Variants in CDK5RAP2 observed in about 807,000 individuals in gnomAD.
CDK5RAP2 encodes CDK5 regulatory subunit-associated protein 2.
In CDK5RAP2, 147 loss-of-function variants were observed where a neutral mutation model predicts 232.9. That is an observed-to-expected ratio of 0.63 (90% CI 0.55 to 0.72). The LOEUF is 0.72. CDK5RAP2 is among the 30% of genes least tolerant of loss of function. CDK5RAP2 has a pLI of 0.00. For missense variants in CDK5RAP2, 2,195 were observed against 2,231.5 expected (o/e 0.98, Z 0.33); for synonymous variants, 833 against 833.7 (o/e 1.00, Z 0.01).
chr9:120,401,610 C>CAAAAAAAAAA (rs142588120), intron 34 of CDK5RAP2, among the ~76,000 whole-genome samples: 1 of 61,532 alleles, frequency 1.6e-5, no homozygotes, highest in African/African-American at 5.9e-5. Flanking sequence ...GACCCTGTCT[C>CAAAAAAAAAA]AAAAAAAAAA....
At chr9:120,570,034 G>T (rs1234817800) in intron 2 of CDK5RAP2, among the ~76,000 whole-genome samples, 1 of 152,182 alleles carries the variant, frequency 6.6e-6, no homozygotes, top group Admixed American at 6.5e-5. Context: ...AAAAAGGGTG[G>T]TGAGCTTTGA....
chr9:120,479,156 T>C (rs2038175955), intron 14 of CDK5RAP2, among the ~76,000 whole-genome samples: 2 of 152,100 alleles, frequency 1.3e-5, no homozygotes, highest in African/African-American at 2.4e-5. Flanking sequence ...TAACTGATAG[T>C]AACAGATTAT....
rs375395601 is a variant in CDK5RAP2 at position 120,498,601 on chromosome 9, T to A, written c.1312-7124A>T. On this transcript the variant is annotated intron_variant, in intron 12 of 37. Coordinates refer to ENST00000349780, the MANE Select transcript of CDK5RAP2 (RefSeq NM_018249.6). The stretch of plus-strand genomic sequence containing the variant: ...TGCATCAATGTTAATTTCCTGATAC[T>A]GGTAAGTATGCCACAGTAATGCAAA... Among the ~76,000 whole-genome samples the A allele has an allele frequency of 2.0e-5, 3 of 152,292 alleles. No individual in the cohort carries two copies. The East Asian group carries it at 5.8e-4, about 29-fold the overall frequency.
intron 25 of CDK5RAP2, among the ~76,000 whole-genome samples, chr9:120,428,355 G>A (rs1450375726): frequency 6.6e-6 from 1 of 152,036 alleles, no homozygotes; most frequent in Non-Finnish European, 1.5e-5. Flanking sequence ...TTGATAGACC[G>A]CTAGCAAGAC....
chr9:120,566,338 G>T (rs1051160414), intron 3 of CDK5RAP2, among the ~76,000 whole-genome samples: 1 of 152,138 alleles, frequency 6.6e-6, no homozygotes, highest in Non-Finnish European at 1.5e-5. Context: ...TCTTGAAAAT[G>T]CTACAATAAA....
rs560506900 is a variant in CDK5RAP2, at chr9:120,454,830, G to A, written c.2376-957C>T. Among the ~76,000 whole-genome samples, 3 of 152,264 alleles carry A rather than the reference G, an allele frequency of 2.0e-5. No homozygotes were observed. In the East Asian group the frequency reaches 5.8e-4, roughly 29 times the overall value. On this transcript the variant is annotated intron_variant, in intron 20 of 37. Transcript: ENST00000349780. ...CACAGTATATACAGTCCCTCAGAGG[G>A]TCCCCAGCAGTAACCAGATCATTAT...
chr9:120,550,701 C>A, intron 4 of CDK5RAP2, 91 bp downstream of exon 4: 2 of 823,876 alleles, frequency 2.4e-6, no homozygotes, highest in South Asian at 2.7e-5. Flanking sequence ...TCTATTCATA[C>A]TAACTCTAAG....
At chr9:120,445,328 G>A (rs1033447596) in intron 22 of CDK5RAP2, among the ~76,000 whole-genome samples, 2 of 152,028 alleles carry the variant, frequency 1.3e-5, no homozygotes, top group Admixed American at 6.6e-5. Context: ...TACCACCAAC[G>A]ACCCCACTTT....
chr9:120,424,954 C>T (rs542938721), intron 25 of CDK5RAP2, among the ~76,000 whole-genome samples: 3 of 152,142 alleles, frequency 2.0e-5, no homozygotes, highest in Non-Finnish European at 4.4e-5. Context: ...GCCTTGACCT[C>T]CCAAAGTGCT....
chr9:120,428,834 T>A (rs202223938), intron 25 of CDK5RAP2, among the ~76,000 whole-genome samples: 1 of 152,176 alleles, frequency 6.6e-6, no homozygotes, highest in Non-Finnish European at 1.5e-5. Flanking sequence ...AAATCCTTGA[T>A]GAACATTGAT....
chr9:120,545,100 C>T (rs1041022645), intron 5 of CDK5RAP2, among the ~76,000 whole-genome samples: 9 of 151,942 alleles, frequency 5.9e-5, no homozygotes, highest in African/African-American at 1.4e-4. Context: ...CAAAATATTA[C>T]GAGGGTCCCT....
At chr9:120,532,179 C>G (rs2041184247) in intron 7 of CDK5RAP2, among the ~76,000 whole-genome samples, 1 of 152,086 alleles carries the variant, frequency 6.6e-6, no homozygotes, top group South Asian at 2.1e-4. Context: ...AGGTTTTAAA[C>G]AGAAGGTGGA....
intron 28 of CDK5RAP2, among the ~76,000 whole-genome samples, chr9:120,412,158 C>T (rs577456670): frequency 6.6e-6 from 1 of 152,336 alleles, no homozygotes; most frequent in South Asian, 2.1e-4. Flanking sequence ...TCTGATGGCC[C>T]ATCATGGCAA....
chr9:120,578,659 C>T (rs968084699), intron 1 of CDK5RAP2, among the ~76,000 whole-genome samples: 2 of 151,862 alleles, frequency 1.3e-5, no homozygotes, highest in African/African-American at 4.8e-5. Flanking sequence ...ATCAACCTTC[C>T]GGGCTCATGC....
chr9:120,455,545 A>C (rs1588386019), intron 20 of CDK5RAP2, among the ~76,000 whole-genome samples: 1 of 152,048 alleles, frequency 6.6e-6, no homozygotes, highest in African/African-American at 2.4e-5. Flanking sequence ...ATTCGAGACC[A>C]GACTGGGCAA....
intron 15 of CDK5RAP2, among the ~76,000 whole-genome samples, chr9:120,473,601 T>C (rs1427751765): frequency 6.6e-6 from 1 of 152,358 alleles, no homozygotes; most frequent in East Asian, 1.9e-4. Flanking sequence ...CAGTTCATTG[T>C]GAAGCAGTCT....
chr9:120,424,530 T>A (rs762142809), intron 25 of CDK5RAP2, among the ~76,000 whole-genome samples: 2 of 152,086 alleles, frequency 1.3e-5, no homozygotes, highest in Non-Finnish European at 2.9e-5. Flanking sequence ...ACATTTTTCA[T>A]CTCATACCTG....
intron 25 of CDK5RAP2, 100 bp from the exon 26 acceptor site, chr9:120,422,841 T>C: frequency 2.4e-6 from 2 of 829,396 alleles, no homozygotes; most frequent in South Asian, 1.4e-5. Context: ...ACTATTCCAC[T>C]TGTTTAAACA....
chr9:120,551,330 T>C (rs2042034144), intron 3 of CDK5RAP2, among the ~76,000 whole-genome samples: 1 of 152,266 alleles, frequency 6.6e-6, no homozygotes. Flanking sequence ...AGATGAAAGA[T>C]CACTACAGAA....
Sources: allele counts gnomAD v4.1 joint callset (sites outside exome capture counted in the v4.1 genomes callset), GRCh38; gene constraint gnomAD v4.1.1; transcripts MANE v1.5; gene names NCBI Gene and HGNC (gene_info 2026-07-23, HGNC 2026-07-21).